RPF2: variants seen among roughly 807,000 people sequenced by gnomAD.
RPF2 encodes the protein ribosome production factor 2 homolog.
Under a neutral mutation model 38.9 loss-of-function variants are expected in RPF2, and 21 were observed. The observed-to-expected ratio is 0.54, with a 90% CI of 0.38 to 0.78. The LOEUF (loss-of-function observed/expected upper bound fraction) is 0.78. RPF2 is among the 30% of genes least tolerant of loss of function. The pLI is 0.00. For synonymous variants in RPF2, 121 were observed against 126.2 expected, an observed-to-expected ratio of 0.96 and a Z score of 0.28; for missense variants, 314 against 358.1, an observed-to-expected ratio of 0.88 and a Z score of 0.99.
rs1024247517 is a variant in RPF2, at chr6:111,026,137, T to C, written c.*555T>C. The C allele has an allele frequency of 1.3e-5, 2 of 152,324 alleles. No individual in the cohort carries two copies. Among genetic ancestry groups the C allele is most frequent in the African/African-American group, 4.8e-5 (2 of 41,448 alleles). 9.4% of individuals were successfully genotyped at this position (152,324 alleles called of 1,614,324 possible). On this transcript the variant is annotated 3_prime_UTR_variant, in exon 10 of 10. Transcript: ENST00000441448. ...TGATTATTGATAAATTACACTACTGTTGATTGTTTTAAGAGACTCTACTAC... is the reference window on the plus strand; with the variant it reads ...TGATTATTGATAAATTACACTACTGCTGATTGTTTTAAGAGACTCTACTAC...
chr6:111,002,681 A>T (rs569611131), intron 6 of RPF2, among the ~76,000 whole-genome samples: 1 of 152,184 alleles, frequency 6.6e-6, no homozygotes, highest in South Asian at 2.1e-4. Context: ...CTACATTTTC[A>T]CTCATGGAGT....
At chr6:111,015,929 GC>G in intron 8 of RPF2, 73 bp downstream of exon 8, 1 of 1,138,188 alleles carries the variant, frequency 8.8e-7, no homozygotes, top group Non-Finnish European at 1.3e-6. Context: ...GTTTTTTAGA[GC>G]CCAAACTTAG....
At chr6:110,997,914 T>C (rs1484142627) in intron 5 of RPF2, among the ~76,000 whole-genome samples, 3 of 146,110 alleles carry the variant, frequency 2.1e-5, no homozygotes, top group Admixed American at 6.8e-5. Context: ...TTTTTTTTTT[T>C]CCTGAGACGG....
intron 8 of RPF2, among the ~76,000 whole-genome samples, chr6:111,023,945 G>A (rs537433730): frequency 2.0e-4 from 31 of 151,756 alleles, no homozygotes; most frequent in African/African-American, 6.5e-4. Context: ...CCAAGATCGC[G>A]CCACTGCACT....
intron 6 of RPF2, among the ~76,000 whole-genome samples, chr6:111,007,395 T>A (rs1013795826): frequency 1.3e-5 from 2 of 151,454 alleles, no homozygotes; most frequent in Non-Finnish European, 2.9e-5. Flanking sequence ...AACAAATAAT[T>A]TTTTTTTTAG....
chr6:110,997,332 C>A, intron 5 of RPF2, 68 bp downstream of exon 5: 1 of 923,564 alleles, frequency 1.1e-6, no homozygotes, highest in Non-Finnish European at 1.7e-6. Context: ...CGAATTCATA[C>A]GGGTCTGCAG....
intron 6 of RPF2, among the ~76,000 whole-genome samples, chr6:111,000,358 AG>A (rs1771793249): frequency 6.6e-6 from 1 of 152,134 alleles, no homozygotes; most frequent in Admixed American, 6.6e-5. Context: ...CCATGGTGTG[AG>A]CCAAAGCACC....
At chr6:110,982,281 C>T (rs1771445639) in intron 1 of RPF2, 152 bp downstream of exon 1, 6 of 816,884 alleles carry the variant, frequency 7.3e-6, no homozygotes, top group Admixed American at 2.3e-5. Context: ...CTCCTCAGCG[C>T]GAGCTGCTTG....
At chr6:110,994,390 G>A (rs2114304298) in intron 4 of RPF2, among the ~76,000 whole-genome samples, 1 of 152,178 alleles carries the variant, frequency 6.6e-6, no homozygotes, top group East Asian at 1.9e-4. Context: ...TTCTAGACCA[G>A]CCTAGGCAAC....
At chr6:111,017,270 G>GC (rs1210382979) in intron 8 of RPF2, among the ~76,000 whole-genome samples, 1 of 151,474 alleles carries the variant, frequency 6.6e-6, no homozygotes, top group East Asian at 2.0e-4. Context: ...GGGCAGAGGT[G>GC]CCCCCAACCT....
rs1278152064 is a variant in RPF2 at position 111,027,294 on chromosome 6, CT to C, written c.*1717del. 1.3e-5 allele frequency: 2 copies of C among 152,146 alleles called. No homozygotes were observed. Among genetic ancestry groups the C allele is most frequent in the Non-Finnish European group, 2.9e-5 (2 of 68,026 alleles). 9.4% of individuals were successfully genotyped at this position (152,146 alleles called of 1,614,324 possible). On this transcript the variant is annotated 3_prime_UTR_variant, in exon 10 of 10. Coordinates refer to ENST00000441448, the MANE Select transcript of RPF2 (RefSeq NM_032194.3). The stretch of plus-strand genomic sequence containing the variant: ...AATGAAGGAGCTGGTATCATTTATA[CT>C]TTTTGTTTGATTATACGTTTAACCA...
intron 9 of RPF2, among the ~76,000 whole-genome samples, chr6:111,024,760 A>T (rs551662315): frequency 2.6e-5 from 4 of 152,184 alleles, no homozygotes; most frequent in Admixed American, 2.6e-4. Context: ...AATAGATTAA[A>T]CTAGGACTCA....
Position 111,020,966 on chromosome 6 carries a change from G to A in RPF2, c.597-3217G>A, listed in dbSNP as rs564543029. ...GGGCAGATCACGAGGTCAGGAGATC[G>A]AGACCATCCTGGCTAACACGGTGAA... is the stretch of plus-strand genomic sequence containing the variant. On this transcript the variant is annotated intron_variant, in intron 8 of 9. Transcript: ENST00000441448. 1.6e-3 allele frequency among the ~76,000 whole-genome samples: 250 copies of A among 152,256 alleles called. 10 individuals are homozygous for A. In the South Asian group the frequency reaches 0.049, roughly 30 times the overall value.
At chr6:111,016,273 T>G (rs1315203999) in intron 8 of RPF2, among the ~76,000 whole-genome samples, 1 of 152,064 alleles carries the variant, frequency 6.6e-6, no homozygotes, top group Non-Finnish European at 1.5e-5. Flanking sequence ...AGCCTAGGCC[T>G]TCTACCCCTA....
chr6:110,995,474 A>G (rs1247400809), intron 4 of RPF2, among the ~76,000 whole-genome samples: 3 of 152,118 alleles, frequency 2.0e-5, no homozygotes, highest in Non-Finnish European at 4.4e-5. Flanking sequence ...TTCTGTTTAG[A>G]GGCTAGAATG....
chr6:111,017,525 C>T (rs1205282569), intron 8 of RPF2, among the ~76,000 whole-genome samples: 102 of 151,504 alleles, frequency 6.7e-4, no homozygotes, highest in African/African-American at 2.3e-3. Flanking sequence ...AGGGGCTCCT[C>T]ACTTCTTAGA....
intron 1 of RPF2, chr6:110,982,367 T>G: frequency 3.4e-6 from 2 of 587,990 alleles, no homozygotes; most frequent in Non-Finnish European, 6.1e-6. Context: ...TTGGCCGCTT[T>G]TATCCTAGCC....
chr6:110,991,842 C>T (rs980640307), intron 4 of RPF2, 56 bp downstream of exon 4: 4 of 666,774 alleles, frequency 6.0e-6, no homozygotes, highest in Middle Eastern at 2.7e-4. Context: ...ATTATTCAGA[C>T]TAATTCATTT....
At chr6:111,008,984 C>T (rs1771966310) in intron 7 of RPF2, among the ~76,000 whole-genome samples, 1 of 150,176 alleles carries the variant, frequency 6.7e-6, no homozygotes, top group African/African-American at 2.5e-5. Context: ...ACTGCAACCT[C>T]CACCTCCCGG....
Sources: gnomAD v4.1 joint callset for allele counts (sites outside exome capture counted in the v4.1 genomes callset) on GRCh38, gnomAD v4.1.1 for gene constraint, MANE v1.5 for transcripts, NCBI Gene and HGNC (gene_info 2026-07-23, HGNC 2026-07-21) for gene names.